The following INSC variants were observed in gnomAD, a reference collection of about 807,000 sequenced individuals.
The protein encoded by INSC is INSC spindle orientation adaptor protein.
Under a neutral mutation model 58.6 loss-of-function variants are expected in INSC, and 67 were observed. The observed-to-expected ratio is 1.14, with a 90% CI of 0.94 to 1.40. The LOEUF (loss-of-function observed/expected upper bound fraction) is 1.40, where lower values mean the gene tolerates loss of function less well. Among genes scored for constraint, INSC ranks in the 40% most tolerant of loss-of-function variants. The pLI is 0.00. For missense variants in INSC, 714 were observed against 692.0 expected (o/e 1.03, Z -0.36); for synonymous variants, 262 against 276.1 (o/e 0.95, Z 0.51).
downstream of INSC, among the ~76,000 whole-genome samples, chr11:15,249,678 G>T (rs1044707768): frequency 3.9e-5 from 6 of 152,204 alleles, no homozygotes; most frequent in Non-Finnish European, 8.8e-5. Flanking sequence ...TCCTGGAGAT[G>T]GGACCAAAGG....
chr11:15,126,465 C>T (rs1311083914), intron 1 of INSC, among the ~76,000 whole-genome samples: 1 of 152,128 alleles, frequency 6.6e-6, no homozygotes. Flanking sequence ...TGGGCTCTGG[C>T]CATGAATGAC....
At chr11:15,264,213 G>A in the INSC span, among the ~76,000 whole-genome samples, 1 of 126,784 alleles carries the variant, frequency 7.9e-6, no homozygotes, top group Non-Finnish European at 1.7e-5. Context: ...AGATCCTGGA[G>A]GCCTCTCTCT....
chr11:15,173,608 A>G (rs1018590313), intron 2 of INSC, among the ~76,000 whole-genome samples: 4 of 152,096 alleles, frequency 2.6e-5, no homozygotes, highest in Admixed American at 6.5e-5. Context: ...GTGTCTGTAT[A>G]CATATACATA....
the INSC span, among the ~76,000 whole-genome samples, chr11:15,261,909 G>GATCA: frequency 2.0e-5 from 3 of 152,114 alleles, no homozygotes; most frequent in Admixed American, 6.6e-5. Context: ...ACGTAATGGA[G>GATCA]GTGAGGAAGA....
rs980855621 is a variant in INSC, at chr11:15,219,704, A to T, written c.820-1773A>T. Among the ~76,000 whole-genome samples the T allele has an allele frequency of 3.3e-5, 5 of 152,192 alleles. No individual in the cohort carries two copies. In the South Asian group the frequency reaches 1.0e-3, roughly 32 times the overall value. On this transcript the variant is annotated intron_variant, in intron 7 of 12. Transcript: ENST00000379556. ...GGGGACCAGGATAGCATCTGCAACC[A>T]CGTTGAGATTAAGGAGACGGGATTG...
At chr11:15,199,394 CA>C (rs1429885547) in intron 6 of INSC, among the ~76,000 whole-genome samples, 5 of 152,156 alleles carry the variant, frequency 3.3e-5, no homozygotes, top group African/African-American at 1.2e-4. Context: ...TGACCAGCAG[CA>C]AAACTCTTAG....
intron 1 of INSC, among the ~76,000 whole-genome samples, chr11:15,131,153 T>C (rs1054251796): frequency 6.6e-6 from 1 of 152,144 alleles, no homozygotes. Context: ...TTTTTTCTAA[T>C]TTAAGTATTT....
intron 1 of INSC, among the ~76,000 whole-genome samples, chr11:15,123,142 C>T (rs192888808): frequency 7.4e-4 from 112 of 152,280 alleles, no homozygotes; most frequent in African/African-American, 2.5e-3. Context: ...CTCCACCTAC[C>T]GAATTCCTGC....
the INSC span, among the ~76,000 whole-genome samples, chr11:15,259,322 GA>G: frequency 2.0e-5 from 3 of 152,014 alleles, no homozygotes; most frequent in African/African-American, 7.2e-5. Context: ...TGTTTGACAG[GA>G]AAAATTTTTC....
the INSC span, among the ~76,000 whole-genome samples, chr11:15,255,736 A>ATGTGTG: frequency 0.025 from 3,692 of 147,956 alleles, 48 homozygotes; most frequent in East Asian, 0.045. Flanking sequence ...AAGTGTGTGT[A>ATGTGTG]TGTGTGTGTG....
intron 5 of INSC, among the ~76,000 whole-genome samples, chr11:15,189,450 C>G (rs1316801697): frequency 6.6e-6 from 1 of 151,942 alleles, no homozygotes; most frequent in African/African-American, 2.4e-5. Context: ...CAGGCTATTT[C>G]TTGGACTCCT....
chr11:15,226,188 G>A (rs892283360), intron 9 of INSC, among the ~76,000 whole-genome samples: 4 of 152,006 alleles, frequency 2.6e-5, no homozygotes, highest in South Asian at 2.1e-4. Flanking sequence ...TCTGGGAGGC[G>A]GAAAGACCCA....
chr11:15,121,080 G>A (rs540103594), intron 1 of INSC, among the ~76,000 whole-genome samples: 1 of 150,762 alleles, frequency 6.6e-6, no homozygotes, highest in African/African-American at 2.4e-5. Flanking sequence ...AAATGTTTAT[G>A]TTTCTGATTA....
At chr11:15,225,613 T>G (rs1247844567) in intron 8 of INSC, 37 bp from the exon 9 acceptor site, 1 of 1,592,874 alleles carries the variant, frequency 6.3e-7, no homozygotes, top group Non-Finnish European at 8.6e-7. Context: ...TGAAAACACT[T>G]GGCACGGAAG....
At chr11:15,112,447 T>A (rs754362175), upstream of INSC, 8 of 1,578,656 alleles carry the variant, frequency 5.1e-6, no homozygotes, top group African/African-American at 2.7e-5. Flanking sequence ...AGACTTGGAG[T>A]CGCTGCAGCC....
At chr11:15,225,098 T>C (rs1448074431) in intron 8 of INSC, among the ~76,000 whole-genome samples, 1 of 152,198 alleles carries the variant, frequency 6.6e-6, no homozygotes, top group East Asian at 1.9e-4. Flanking sequence ...CTCCTTTTCC[T>C]TTGGTCTAGA....
chr11:15,153,439 CTT>C, intron 2 of INSC, among the ~76,000 whole-genome samples: 1 of 152,218 alleles, frequency 6.6e-6, no homozygotes, highest in Non-Finnish European at 1.5e-5. Flanking sequence ...TAGATAATGG[CTT>C]GCATATGTGC....
chr11:15,112,717 C>T (rs977795237), upstream of INSC: 4 of 527,678 alleles, frequency 7.6e-6, no homozygotes, highest in Non-Finnish European at 1.3e-5. Context: ...CTCTCTTACC[C>T]TGAAACCCAG....
chr11:15,254,094 T>C, the INSC span, among the ~76,000 whole-genome samples: 1 of 152,204 alleles, frequency 6.6e-6, no homozygotes, highest in Middle Eastern at 3.2e-3. Flanking sequence ...TTACCTCTCA[T>C]TTTCACCTTT....
Sources: allele counts gnomAD v4.1 joint callset (sites outside exome capture counted in the v4.1 genomes callset), GRCh38; gene constraint gnomAD v4.1.1; transcripts MANE v1.5; gene names NCBI Gene and HGNC (gene_info 2026-07-23, HGNC 2026-07-21).